MMP26: variants seen among roughly 807,000 people sequenced by gnomAD.
MMP26 encodes matrix metallopeptidase 26.
A neutral mutation model predicts 31.0 loss-of-function variants in MMP26; 33 were observed. That is an observed-to-expected ratio of 1.06 (90% CI 0.81 to 1.42). The LOEUF (loss-of-function observed/expected upper bound fraction) is 1.42. Among genes scored for constraint, MMP26 ranks in the 40% most tolerant of loss-of-function variants. MMP26 has a pLI of 0.00. For missense variants in MMP26, 347 were observed against 316.1 expected (o/e 1.10, Z -0.74); for synonymous variants, 122 against 114.9 (o/e 1.06, Z -0.40).
chr11:4,924,164 C>T, intron 2 of MMP26: 2 of 1,614,082 alleles, frequency 1.2e-6, no homozygotes, highest in Non-Finnish European at 1.7e-6. Flanking sequence ...GTACATGGGT[C>T]CATGGAGAGT....
rs71050433 is a variant in MMP26, at chr11:4,819,566, A to ATTTTTTTTT, written c.-145+52247_-145+52255dup. 6.0e-3 allele frequency among the ~76,000 whole-genome samples: 301 copies of ATTTTTTTTT among 50,304 alleles called. 31 individuals are homozygous for ATTTTTTTTT. Among genetic ancestry groups the ATTTTTTTTT allele is most frequent in the Middle Eastern group, 0.019 (1 of 52 alleles). 33.0% of individuals were successfully genotyped at this position (50,304 alleles called of 152,430 possible). On this transcript the variant is annotated intron_variant, in intron 2 of 7. Transcript: ENST00000380390. ...GATGGTCACTGAAATGAGTCGACTG[A>ATTTTTTTTT]TTTTTTTTTTTTTTTTTTTTTTTTT... is the stretch of plus-strand genomic sequence containing the variant.
intron 2 of MMP26, among the ~76,000 whole-genome samples, chr11:4,816,647 A>G (rs903686747): frequency 6.6e-6 from 1 of 151,534 alleles, no homozygotes; most frequent in Non-Finnish European, 1.5e-5. Context: ...TGGGCAACTG[A>G]ATTAGTATGA....
chr11:4,914,651 T>C, intron 2 of MMP26: 2 of 1,045,558 alleles, frequency 1.9e-6, no homozygotes, highest in Non-Finnish European at 2.8e-6. Context: ...TTATGCATGT[T>C]AGAAATTATA....
chr11:4,967,070 A>G (rs1023220001), intron 2 of MMP26, among the ~76,000 whole-genome samples: 5 of 152,226 alleles, frequency 3.3e-5, no homozygotes, highest in Non-Finnish European at 7.3e-5. Context: ...TTTGAAGTTT[A>G]TAACAAGTTG....
At chr11:4,929,263 A>G (rs1851313602) in intron 2 of MMP26, among the ~76,000 whole-genome samples, 1 of 152,072 alleles carries the variant, frequency 6.6e-6, no homozygotes, top group Non-Finnish European at 1.5e-5. Flanking sequence ...CTGTTTGAGA[A>G]CGTTATTTTA....
At chr11:4,971,701 C>A (rs926925677) in intron 2 of MMP26, among the ~76,000 whole-genome samples, 3 of 152,096 alleles carry the variant, frequency 2.0e-5, no homozygotes, top group African/African-American at 7.2e-5. Context: ...TACTTTATAG[C>A]AAAATGGGTT....
At chr11:4,715,976 AAG>A (rs533037854) in intron 1 of MMP26, among the ~76,000 whole-genome samples, 25 of 152,232 alleles carry the variant, frequency 1.6e-4, no homozygotes, top group Non-Finnish European at 3.5e-4. Context: ...AAGTCTTTAA[AAG>A]AGAGAAGAAT....
At chr11:4,734,039 C>A (rs909562562) in intron 1 of MMP26, among the ~76,000 whole-genome samples, 1 of 152,006 alleles carries the variant, frequency 6.6e-6, no homozygotes, top group African/African-American at 2.4e-5. Context: ...GGTGTATAAT[C>A]CTTTTTATAT....
At chr11:4,870,059 C>A (rs573958432) in intron 2 of MMP26, among the ~76,000 whole-genome samples, 3 of 152,098 alleles carry the variant, frequency 2.0e-5, no homozygotes, top group South Asian at 2.1e-4. Flanking sequence ...ACATCACACA[C>A]TGGGGCCTGT....
At chr11:4,773,885 A>C (rs2117211) in intron 2 of MMP26, among the ~76,000 whole-genome samples, 49,998 of 151,924 alleles carry the variant, frequency 0.33, 9,847 homozygotes, top group African/African-American at 0.54. Context: ...TGAGAACATG[A>C]AGTGTTTGGT....
Position 4,990,693 on chromosome 11 carries a change from T to G in MMP26, c.416T>G (p.Phe139Cys). The G allele has an allele frequency of 6.2e-7, 1 of 1,614,136 alleles. No individual in the cohort carries two copies. The highest frequency in any genetic ancestry group is 8.5e-7 in the Non-Finnish European group (1 of 1,179,994). ...TGGAGCAATGTGACCCCTTTGATAT[T>G]CCAGCAAGTGCAGAATGGAGATGCA... ...SIWSNVTPLI[F>C]QQVQNGDADI... is the part of the protein sequence containing the mutation. Residue 139 changes from phenylalanine (F) to cysteine (C), a missense_variant, in exon 5 of 8, where the codon TTC becomes TGC. By Grantham distance (205) the Phe-to-Cys change is radical (BLOSUM62 -2). Transcript: ENST00000380390.
At chr11:4,727,285 A>G (rs1848113853) in intron 1 of MMP26, among the ~76,000 whole-genome samples, 2 of 152,228 alleles carry the variant, frequency 1.3e-5, no homozygotes, top group African/African-American at 4.8e-5. Flanking sequence ...GACAATCAGT[A>G]TCACTTCTTT....
At chr11:4,979,512 C>T (rs1279572971) in intron 2 of MMP26, among the ~76,000 whole-genome samples, 1 of 152,048 alleles carries the variant, frequency 6.6e-6, no homozygotes, top group Non-Finnish European at 1.5e-5. Flanking sequence ...GGTAGTGGCT[C>T]AATCCTTAGT....
chr11:4,792,525 G>C (rs79592161), intron 2 of MMP26, among the ~76,000 whole-genome samples: 2,388 of 152,260 alleles, frequency 0.016, 68 homozygotes, highest in African/African-American at 0.054. Context: ...TTTCTCTGTT[G>C]TCCTGAGGAA....
At chr11:4,893,996 T>C (rs1209068244) in intron 2 of MMP26, among the ~76,000 whole-genome samples, 1 of 152,066 alleles carries the variant, frequency 6.6e-6, no homozygotes, top group Non-Finnish European at 1.5e-5. Context: ...ATTTCAATGT[T>C]AGTGCAATAT....
chr11:4,936,312 G>A (rs367683932), intron 2 of MMP26, among the ~76,000 whole-genome samples: 2,817 of 151,350 alleles, frequency 0.019, 35 homozygotes, highest in Middle Eastern at 0.038. Flanking sequence ...TTGGGAGAGT[G>A]TATGTGTCGA....
chr11:4,828,046 A>C (rs1393041163), intron 2 of MMP26, among the ~76,000 whole-genome samples: 1 of 152,154 alleles, frequency 6.6e-6, no homozygotes, highest in Non-Finnish European at 1.5e-5. Flanking sequence ...TTGTGGACTG[A>C]TGCTGGAAAA....
chr11:4,827,456 G>A (rs1176867317), intron 2 of MMP26, among the ~76,000 whole-genome samples: 1 of 151,870 alleles, frequency 6.6e-6, no homozygotes, highest in Admixed American at 6.6e-5. Flanking sequence ...GGTATCCAGG[G>A]GCCAAGTCTT....
intron 2 of MMP26, among the ~76,000 whole-genome samples, chr11:4,904,702 C>T (rs1385564668): frequency 2.6e-5 from 4 of 152,052 alleles, no homozygotes; most frequent in African/African-American, 4.8e-5. Context: ...ATGACTTTAC[C>T]GCTTAAAATA....
Sources: allele counts gnomAD v4.1 joint callset (sites outside exome capture counted in the v4.1 genomes callset), GRCh38; gene constraint gnomAD v4.1.1; transcripts MANE v1.5; gene names NCBI Gene and HGNC (gene_info 2026-07-23, HGNC 2026-07-21).